Variants in XPO4 observed in about 807,000 individuals in gnomAD.
XPO4 encodes the protein exportin 4, also known as exportin-4.
Under a neutral mutation model 143.0 loss-of-function variants are expected in XPO4, and 39 were observed. That is an observed-to-expected ratio of 0.27 (90% CI 0.21 to 0.36). The LOEUF is 0.36. XPO4 is among the 10% of genes least tolerant of loss of function. The pLI is 1.00. For missense variants in XPO4, 907 were observed against 1,348.0 expected, an observed-to-expected ratio of 0.67 and a Z score of 5.12; for synonymous variants, 439 against 474.0, an observed-to-expected ratio of 0.93 and a Z score of 0.96.
intron 1 of XPO4, among the ~76,000 whole-genome samples, chr13:20,885,542 A>G (rs1287307373): frequency 2.6e-5 from 4 of 152,054 alleles, no homozygotes; most frequent in Admixed American, 6.6e-5. Flanking sequence ...TGCTCTACAT[A>G]AAAAACTAAG....
intron 1 of XPO4, among the ~76,000 whole-genome samples, chr13:20,893,933 T>A (rs1165579102): frequency 6.6e-6 from 1 of 152,136 alleles, no homozygotes; most frequent in African/African-American, 2.4e-5. Flanking sequence ...ATTCTCCGCC[T>A]CCCGGGTTCA....
At chr13:20,787,124 T>C (rs1373661165) in intron 21 of XPO4, 67 bp from the exon 22 acceptor site, 1 of 1,305,520 alleles carries the variant, frequency 7.7e-7, no homozygotes, top group African/African-American at 1.5e-5. Flanking sequence ...CCCTCCCCAG[T>C]CCAAAAAAGA....
intron 22 of XPO4, among the ~76,000 whole-genome samples, chr13:20,786,298 C>T (rs201346065): frequency 4.5e-4 from 33 of 73,280 alleles, no homozygotes; most frequent in Admixed American, 7.8e-4. Flanking sequence ...TATATATATA[C>T]GTGTGTGTGT....
At chr13:20,835,577 C>G (rs1042537713) in intron 6 of XPO4, among the ~76,000 whole-genome samples, 1 of 152,160 alleles carries the variant, frequency 6.6e-6, no homozygotes, top group Admixed American at 6.5e-5. Flanking sequence ...CCTGACTTCT[C>G]CCCTCAAGCA....
chr13:20,868,987 T>G (rs559317863), intron 1 of XPO4, among the ~76,000 whole-genome samples: 15 of 152,272 alleles, frequency 9.9e-5, no homozygotes, highest in Admixed American at 3.3e-4. Flanking sequence ...TAACATTTTT[T>G]GGGGGATTTA....
chr13:20,821,275 C>T (rs1204273895), intron 9 of XPO4, among the ~76,000 whole-genome samples: 3 of 147,998 alleles, frequency 2.0e-5, no homozygotes, highest in Non-Finnish European at 3.0e-5. Flanking sequence ...ATTATGTTTA[C>T]ATAATTGCCA....
chr13:20,832,430 A>C (rs1389763628), intron 6 of XPO4, among the ~76,000 whole-genome samples: 1 of 152,222 alleles, frequency 6.6e-6, no homozygotes, highest in Non-Finnish European at 1.5e-5. Flanking sequence ...TACAGTAGCT[A>C]CACATTATCT....
intron 1 of XPO4, chr13:20,902,438 G>T: frequency 1.0e-6 from 1 of 985,434 alleles, no homozygotes; most frequent in Non-Finnish European, 1.2e-6. Flanking sequence ...TCCCACGCCC[G>T]ACTGGGGTGC....
In XPO4 at chr13:20,814,903, T is replaced by A. The variant is rs61954164; in HGVS notation, c.1174-4936A>T. Among the ~76,000 whole-genome samples the A allele has an allele frequency of 2.0e-3, 305 of 152,336 alleles. 1 individual carries two copies. The highest frequency in any genetic ancestry group is 7.5e-3 in the South Asian group (36 of 4,832). ...CAATAAATTTGCAACCCTTTAGTCA[T>A]AGAAAAAAATCTTTTACGTTTTGGT... On this transcript the variant is annotated intron_variant, in intron 9 of 22. Coordinates refer to ENST00000255305, the MANE Select transcript of XPO4 (RefSeq NM_022459.5).
intron 1 of XPO4, among the ~76,000 whole-genome samples, chr13:20,899,063 A>G (rs1021932455): frequency 6.6e-6 from 1 of 152,124 alleles, no homozygotes; most frequent in Admixed American, 6.6e-5. Flanking sequence ...TCATGCCACT[A>G]CACTCCAGCT....
intron 1 of XPO4, among the ~76,000 whole-genome samples, chr13:20,877,655 G>T (rs1199613434): frequency 6.6e-6 from 1 of 152,166 alleles, no homozygotes; most frequent in African/African-American, 2.4e-5. Context: ...TACTTTTTAT[G>T]TGAGAAAAAC....
chr13:20,797,117 T>G (rs1457335546), intron 16 of XPO4, 60 bp from the exon 17 acceptor site: 2 of 1,462,718 alleles, frequency 1.4e-6, no homozygotes, highest in Non-Finnish European at 1.8e-6. Context: ...TTTCCTCTGC[T>G]TGGATACATA....
At chr13:20,789,023 A>C (rs547072800) in intron 19 of XPO4, among the ~76,000 whole-genome samples, 1 of 152,372 alleles carries the variant, frequency 6.6e-6, no homozygotes, top group Admixed American at 6.5e-5. Context: ...CAAATTGTTA[A>C]GACTATGCAC....
chr13:20,887,876 GA>G (rs1184311348), intron 1 of XPO4, among the ~76,000 whole-genome samples: 4 of 141,092 alleles, frequency 2.8e-5, no homozygotes, highest in East Asian at 4.1e-4. Context: ...GAAAGGAAAA[GA>G]AAAAAAAAAG....
chr13:20,891,398 T>C (rs930131345), intron 1 of XPO4, among the ~76,000 whole-genome samples: 5 of 152,206 alleles, frequency 3.3e-5, no homozygotes, highest in African/African-American at 1.2e-4. Flanking sequence ...CTTGATTTGA[T>C]GCCATGTTAT....
chr13:20,899,988 T>C (rs905709604), intron 1 of XPO4, among the ~76,000 whole-genome samples: 3 of 152,216 alleles, frequency 2.0e-5, no homozygotes, highest in Non-Finnish European at 4.4e-5. Flanking sequence ...AACCACAGAC[T>C]GGTAACAGAC....
chr13:20,793,374 T>C (rs1460236422), intron 18 of XPO4, among the ~76,000 whole-genome samples: 2 of 152,212 alleles, frequency 1.3e-5, no homozygotes, highest in African/African-American at 4.8e-5. Flanking sequence ...TTCTTAACCT[T>C]ATTATGACTT....
chr13:20,822,365 G>T, intron 7 of XPO4, 76 bp from the exon 8 acceptor site: 1 of 1,296,732 alleles, frequency 7.7e-7, no homozygotes, highest in Non-Finnish European at 1.0e-6. Flanking sequence ...TGCCGAATGA[G>T]GTAAGACAAA....
chr13:20,824,970 C>T (rs1425298445), intron 7 of XPO4, among the ~76,000 whole-genome samples: 2 of 152,162 alleles, frequency 1.3e-5, no homozygotes, highest in African/African-American at 4.8e-5. Context: ...TAGGAGTCAT[C>T]TGGGAACCGG....
Sources: allele counts gnomAD v4.1 joint callset (sites outside exome capture counted in the v4.1 genomes callset), GRCh38; gene constraint gnomAD v4.1.1; transcripts MANE v1.5; gene names NCBI Gene and HGNC (gene_info 2026-07-23, HGNC 2026-07-21).